ZNF804A: variants seen among roughly 807,000 people sequenced by gnomAD.
ZNF804A encodes the protein zinc finger protein 804A.
ZNF804A carries 2 observed loss-of-function variants against 16.5 expected under a neutral mutation model. The ratio of observed to expected loss-of-function variants is 0.12; its 90% CI spans 0.05 to 0.38. ZNF804A has a LOEUF of 0.38. Among genes scored for constraint, ZNF804A ranks in the 10% least tolerant of loss-of-function variants. ZNF804A has a pLI of 0.99. For synonymous variants in ZNF804A, 534 were observed against 489.6 expected, an observed-to-expected ratio of 1.09 and a Z score of -1.20; for missense variants, 1,473 against 1,390.7, an observed-to-expected ratio of 1.06 and a Z score of -0.94.
intron 1 of ZNF804A, among the ~76,000 whole-genome samples, chr2:184,714,462 A>T (rs1405754338): frequency 6.6e-6 from 1 of 152,078 alleles, no homozygotes; most frequent in East Asian, 1.9e-4. Flanking sequence ...ATATATTTAC[A>T]TTTGTTCAGT....
In ZNF804A at chr2:184,933,626, G is replaced by A. The variant is rs747273502; in HGVS notation, c.279G>A (p.Arg93=). Residue 93 remains arginine, a synonymous_variant, in exon 3 of 4, where the codon AGG becomes AGA. Transcript: ENST00000302277. ...HKQRLKELKQ[R]EFARNVASKS... ...AGAGGCTCAAGGAACTGAAACAAAG[G>A]GAATTTGCTCGAAATGTAGCATCTA... The A allele has an allele frequency of 1.9e-6, 3 of 1,603,726 alleles. No homozygotes were observed. The highest frequency in any genetic ancestry group is 2.5e-6 in the Non-Finnish European group (3 of 1,176,820).
intron 2 of ZNF804A, among the ~76,000 whole-genome samples, chr2:184,906,856 GC>G (rs1685282291): frequency 6.6e-6 from 1 of 152,120 alleles, no homozygotes; most frequent in Admixed American, 6.5e-5. Context: ...AAAAGAGGAA[GC>G]CAGAGATTTG....
chr2:184,898,936 A>G (rs1396422827), intron 2 of ZNF804A, among the ~76,000 whole-genome samples: 1 of 152,000 alleles, frequency 6.6e-6, no homozygotes, highest in African/African-American at 2.4e-5. Flanking sequence ...AATATTTACA[A>G]TTAGTGGTCA....
chr2:184,612,370 T>G (rs1019863044), intron 1 of ZNF804A, among the ~76,000 whole-genome samples: 3 of 152,122 alleles, frequency 2.0e-5, no homozygotes, highest in Admixed American at 6.5e-5. Flanking sequence ...TGTTTAAAAT[T>G]ATACAAACTT....
chr2:184,613,819 T>G (rs1287140901), intron 1 of ZNF804A, among the ~76,000 whole-genome samples: 2 of 152,120 alleles, frequency 1.3e-5, no homozygotes, highest in East Asian at 3.9e-4. Context: ...TCCATATTCA[T>G]GGACAGGAAG....
intron 1 of ZNF804A, among the ~76,000 whole-genome samples, chr2:184,690,067 CTAAT>C (rs1439748474): frequency 6.6e-6 from 1 of 151,646 alleles, no homozygotes; most frequent in Non-Finnish European, 1.5e-5. Context: ...TGTGACTATT[CTAAT>C]TAATAACATG....
At chr2:184,868,634 T>A (rs1303316260) in intron 2 of ZNF804A, among the ~76,000 whole-genome samples, 1 of 151,916 alleles carries the variant, frequency 6.6e-6, no homozygotes, top group Non-Finnish European at 1.5e-5. Flanking sequence ...AAAACAAACT[T>A]AAAAGAGAAT....
intron 1 of ZNF804A, among the ~76,000 whole-genome samples, chr2:184,651,629 A>G (rs1335197359): frequency 1.3e-5 from 2 of 152,132 alleles, no homozygotes; most frequent in Non-Finnish European, 2.9e-5. Flanking sequence ...AAAGTAGGCA[A>G]AAAATAGGAA....
At chr2:184,729,830 C>A (rs140227296) in intron 1 of ZNF804A, among the ~76,000 whole-genome samples, 1 of 152,192 alleles carries the variant, frequency 6.6e-6, no homozygotes, top group Admixed American at 6.5e-5. Flanking sequence ...ATCCATATGG[C>A]ACACTGAACT....
chr2:184,858,065 G>T (rs748797955), intron 1 of ZNF804A, among the ~76,000 whole-genome samples: 2 of 151,904 alleles, frequency 1.3e-5, no homozygotes, highest in Non-Finnish European at 2.9e-5. Context: ...CCCTTCCATT[G>T]TGATGAAGTA....
At chr2:184,767,434 C>T (rs77733184) in intron 1 of ZNF804A, among the ~76,000 whole-genome samples, 2,174 of 151,972 alleles carry the variant, frequency 0.014, 58 homozygotes, top group African/African-American at 0.049. Flanking sequence ...TGAGTTACCA[C>T]GGGTTTGTGG....
At chr2:184,833,038 C>T (rs970531344) in intron 1 of ZNF804A, among the ~76,000 whole-genome samples, 10 of 152,014 alleles carry the variant, frequency 6.6e-5, no homozygotes, top group Admixed American at 2.0e-4. Flanking sequence ...TTGCAGGGCA[C>T]ATGCATACTT....
At chr2:184,743,280 A>G (rs890359512) in intron 1 of ZNF804A, among the ~76,000 whole-genome samples, 1 of 151,990 alleles carries the variant, frequency 6.6e-6, no homozygotes, top group African/African-American at 2.4e-5. Context: ...CTGACTTAAC[A>G]TCCAATGAAT....
Position 184,938,750 on chromosome 2 carries a change from T to C in ZNF804A, c.3354T>C (p.Ala1118=), listed in dbSNP as rs772934804. 6.2e-7 allele frequency: 1 copy of C among 1,612,768 alleles called. No individual in the cohort carries two copies. The highest frequency in any genetic ancestry group is 1.3e-5 in the African/African-American group (1 of 74,672). Residue 1118 remains alanine (A), a synonymous_variant, in exon 4 of 4, where the codon GCT becomes GCC. Coordinates refer to ENST00000302277, the MANE Select transcript of ZNF804A (RefSeq NM_194250.2). ...CTGCAGCTGCAGCTGCAGCCGCAGC[T>C]GCAGGAACCTTTAAAGTGCTTCAGC... The part of the protein sequence containing the change: ...AAAAAAAAAA[A]AGTFKVLQPH...
rs553075118 is a variant in ZNF804A, at chr2:184,704,458, A to G, written c.111+105388A>G. ...AAAAGAGGTTAAAAAGAATATAGGTAGAATTTCCAACAGAGAAATAGGAAG... is the reference window on the plus strand; with the variant it reads ...AAAAGAGGTTAAAAAGAATATAGGTGGAATTTCCAACAGAGAAATAGGAAG... On this transcript the variant is annotated intron_variant, in intron 1 of 3. Transcript: ENST00000302277. 3.0e-4 allele frequency among the ~76,000 whole-genome samples: 46 copies of G among 152,306 alleles called. 1 individual carries two copies. The highest frequency in any genetic ancestry group is 2.8e-3 in the Admixed American group (43 of 15,298).
rs137956342 is a variant in ZNF804A at position 184,828,835 on chromosome 2, T to C, written c.112-37534T>C. On this transcript the variant is annotated intron_variant, in intron 1 of 3. Coordinates refer to ENST00000302277, the MANE Select transcript of ZNF804A (RefSeq NM_194250.2). ...TTGTTCTCATCATTTATAATTTGAG[T>C]CTAAAATCTGATGATGATAGGTCAC... Among the ~76,000 whole-genome samples, 1,385 of 151,918 alleles carry C rather than the reference T, an allele frequency of 9.1e-3. 23 individuals carry two copies. The highest frequency in any genetic ancestry group is 0.032 in the African/African-American group (1,324 of 41,512).
At chr2:184,685,404 G>A (rs1208650018) in intron 1 of ZNF804A, among the ~76,000 whole-genome samples, 1 of 152,016 alleles carries the variant, frequency 6.6e-6, no homozygotes, top group Non-Finnish European at 1.5e-5. Context: ...CTGCAATGTG[G>A]CAAGCAGAGG....
chr2:184,713,595 T>C (rs562917684), intron 1 of ZNF804A, among the ~76,000 whole-genome samples: 2 of 152,080 alleles, frequency 1.3e-5, no homozygotes, highest in South Asian at 4.1e-4. Context: ...CTATGTGCCA[T>C]ATACCAACAT....
intron 2 of ZNF804A, among the ~76,000 whole-genome samples, chr2:184,889,588 T>A (rs1040716681): frequency 6.6e-5 from 10 of 151,884 alleles, no homozygotes; most frequent in Non-Finnish European, 1.3e-4. Flanking sequence ...CTGTAGTATA[T>A]TAAAAATATG....
Sources: gnomAD v4.1 joint callset for allele counts (sites outside exome capture counted in the v4.1 genomes callset) on GRCh38, gnomAD v4.1.1 for gene constraint, MANE v1.5 for transcripts, NCBI Gene and HGNC (gene_info 2026-07-23, HGNC 2026-07-21) for gene names.